SYBU: variants seen among roughly 807,000 people sequenced by gnomAD.
The protein encoded by SYBU is GOLSYN A protein.
In SYBU, 21 loss-of-function variants were observed where a neutral mutation model predicts 35.9. That is an observed-to-expected ratio of 0.58 (90% CI 0.41 to 0.84). The LOEUF (loss-of-function observed/expected upper bound fraction) is 0.84, where lower values mean the gene tolerates loss of function less well. SYBU is among the 40% of genes least tolerant of loss of function. SYBU has a pLI of 0.00. For synonymous variants in SYBU, 319 were observed against 324.3 expected (o/e 0.98, Z 0.18); for missense variants, 768 against 848.2 (o/e 0.91, Z 1.17).
Position 109,666,346 on chromosome 8 carries a change from C to G in SYBU, c.-129+14365G>C, listed in dbSNP as rs544144740. Among the ~76,000 whole-genome samples, 321 of 152,272 alleles carry G rather than the reference C, an allele frequency of 2.1e-3. 2 individuals carry two copies. The highest frequency in any genetic ancestry group is 7.4e-3 in the African/African-American group (308 of 41,536). On this transcript the variant is annotated intron_variant, in intron 1 of 5. Transcript: ENST00000408889. ...TAGGATGTTTAGCAGCTTCTCCAGC[C>G]TCCACCCACTAGATGCCAGTAGCAG...
Position 109,604,236 on chromosome 8 carries a change from T to C in SYBU, c.427+14606A>G, listed in dbSNP as rs377530378. 9.2e-5 allele frequency among the ~76,000 whole-genome samples: 14 copies of C among 152,312 alleles called. No homozygotes were observed. In the East Asian group the frequency reaches 1.7e-3, roughly 19 times the overall value. On this transcript the variant is annotated intron_variant, in intron 3 of 6. Coordinates refer to ENST00000276646, the MANE Select transcript of SYBU (RefSeq NM_001099754.2). ...AAAAAAAACACTGCCTCTAAGGGCA[T>C]ACATAGTATTTAAGTTAACAACGAT...
chr8:109,617,720 A>C (rs904713655), intron 3 of SYBU, among the ~76,000 whole-genome samples: 1 of 152,190 alleles, frequency 6.6e-6, no homozygotes, highest in Non-Finnish European at 1.5e-5. Context: ...ATTATTCCAA[A>C]GTGGGAGACT....
At chr8:109,636,077 T>C (rs35642643) in intron 2 of SYBU, among the ~76,000 whole-genome samples, 13,783 of 152,266 alleles carry the variant, frequency 0.091, 965 homozygotes, top group East Asian at 0.36. Flanking sequence ...AGTTCCTGTA[T>C]GGACCCTTGA....
intron 2 of SYBU, among the ~76,000 whole-genome samples, chr8:109,640,798 T>C (rs930814381): frequency 2.7e-5 from 4 of 146,274 alleles, no homozygotes; most frequent in African/African-American, 1.0e-4. Context: ...ATTAGCAAAT[T>C]GTTAGCAAAA....
At chr8:109,673,066 G>A (rs766104301) in intron 1 of SYBU, among the ~76,000 whole-genome samples, 8 of 152,166 alleles carry the variant, frequency 5.3e-5, no homozygotes, top group Admixed American at 1.3e-4. Context: ...CAACTCTCTC[G>A]GACAGAGCAC....
At chr8:109,651,156 A>C (rs925330011) in intron 1 of SYBU, among the ~76,000 whole-genome samples, 10 of 152,212 alleles carry the variant, frequency 6.6e-5, no homozygotes, top group African/African-American at 2.4e-4. Context: ...GGCTTCCTAG[A>C]TATCTGGTCC....
At chr8:109,603,771 T>G (rs984189371) in intron 3 of SYBU, among the ~76,000 whole-genome samples, 1 of 152,210 alleles carries the variant, frequency 6.6e-6, no homozygotes, top group Non-Finnish European at 1.5e-5. Flanking sequence ...GGCACATATC[T>G]AAGCTGGTAA....
chr8:109,582,398 C>G (rs1427375843), intron 4 of SYBU, among the ~76,000 whole-genome samples: 7 of 152,164 alleles, frequency 4.6e-5, no homozygotes, highest in Non-Finnish European at 8.8e-5. Context: ...CACTGAGATT[C>G]CATGTTTGTC....
chr8:109,674,199 C>T (rs183864441), intron 1 of SYBU, among the ~76,000 whole-genome samples: 5 of 150,402 alleles, frequency 3.3e-5, no homozygotes, highest in East Asian at 3.9e-4. Flanking sequence ...AGATACTCCT[C>T]GAGAAGAGCA....
chr8:109,645,664 G>A, upstream of SYBU: 1 of 279,806 alleles, frequency 3.6e-6, no homozygotes, highest in Non-Finnish European at 6.8e-6. Flanking sequence ...TGTTGAAACG[G>A]CATCTCGTTC....
rs1052987123 is a variant in SYBU at position 109,600,603 on chromosome 8, G to A, written c.428-14441C>T. Among the ~76,000 whole-genome samples the A allele has an allele frequency of 2.6e-5, 4 of 152,196 alleles. No individual in the cohort carries two copies. The South Asian group carries it at 8.3e-4, about 32-fold the overall frequency. ...AACTTTGAGAAACTGGAAAGGATGG[G>A]AGGTAGAAGATTGGAAATGGGCAAA... On this transcript the variant is annotated intron_variant, in intron 3 of 6. Transcript: ENST00000276646.
intron 6 of SYBU, among the ~76,000 whole-genome samples, chr8:109,576,928 C>T (rs962032715): frequency 1.3e-5 from 2 of 152,140 alleles, no homozygotes; most frequent in African/African-American, 2.4e-5. Context: ...ATTCCTTCCT[C>T]GAGTGCTCCA....
chr8:109,628,501 T>A (rs1813222706), intron 2 of SYBU, among the ~76,000 whole-genome samples: 1 of 151,882 alleles, frequency 6.6e-6, no homozygotes, highest in Non-Finnish European at 1.5e-5. Flanking sequence ...GCTGGCTAAT[T>A]TTTTCTTTTT....
intron 1 of SYBU, among the ~76,000 whole-genome samples, chr8:109,655,648 C>T (rs1242061152): frequency 6.6e-6 from 1 of 152,074 alleles, no homozygotes; most frequent in East Asian, 1.9e-4. Flanking sequence ...ATAGTTTTTC[C>T]TCCTGCTTTC....
intron 3 of SYBU, among the ~76,000 whole-genome samples, chr8:109,617,250 A>G (rs1312157958): frequency 1.3e-5 from 2 of 152,246 alleles, no homozygotes; most frequent in African/African-American, 2.4e-5. Flanking sequence ...CACATACTGT[A>G]TAATTCCATT....
At chr8:109,601,973 C>T (rs1054826872) in intron 3 of SYBU, among the ~76,000 whole-genome samples, 11 of 152,096 alleles carry the variant, frequency 7.2e-5, no homozygotes, top group African/African-American at 2.7e-4. Context: ...GACAACATGA[C>T]AGCAATATCT....
At chr8:109,663,971 T>C (rs1563771599) in intron 1 of SYBU, among the ~76,000 whole-genome samples, 2 of 152,330 alleles carry the variant, frequency 1.3e-5, no homozygotes, top group South Asian at 2.1e-4. Context: ...ACAGGACTAA[T>C]ACAAATATGG....
At chr8:109,598,040 A>G (rs1825093991) in intron 3 of SYBU, among the ~76,000 whole-genome samples, 1 of 152,186 alleles carries the variant, frequency 6.6e-6, no homozygotes. Context: ...GACATTCTGT[A>G]AGATTAAATA....
upstream of SYBU, chr8:109,644,885 C>G: frequency 1.8e-6 from 1 of 567,140 alleles, no homozygotes; most frequent in Non-Finnish European, 3.1e-6. Context: ...TCGCTAGAGG[C>G]AGCTCCTGGG....
Sources: gnomAD v4.1 joint callset for allele counts (sites outside exome capture counted in the v4.1 genomes callset) on GRCh38, gnomAD v4.1.1 for gene constraint, MANE v1.5 for transcripts, NCBI Gene and HGNC (gene_info 2026-07-23, HGNC 2026-07-21) for gene names.